PLCL1: variants seen among roughly 807,000 people sequenced by gnomAD.
The protein encoded by PLCL1 is phospholipase C like 1 (inactive).
In PLCL1, 41 loss-of-function variants were observed where a neutral mutation model predicts 84.4. The ratio of observed to expected loss-of-function variants is 0.49; its 90% CI spans 0.38 to 0.63. The LOEUF (loss-of-function observed/expected upper bound fraction) is 0.63. Ranked by LOEUF, PLCL1 falls within the 30% of genes least tolerant of loss-of-function variation. PLCL1 has a pLI of 0.00. For missense variants in PLCL1, 1,206 were observed against 1,367.8 expected (o/e 0.88, Z 1.87); for synonymous variants, 490 against 488.3 (o/e 1.00, Z -0.05).
chr2:197,886,288 T>C (rs9677099), intron 1 of PLCL1, among the ~76,000 whole-genome samples: 184 of 151,722 alleles, frequency 1.2e-3, no homozygotes, highest in African/African-American at 4.1e-3. Flanking sequence ...GGTACGTGCC[T>C]GTAGTCCCAG....
At chr2:198,094,162 T>G (rs537747196) in intron 3 of PLCL1, among the ~76,000 whole-genome samples, 3 of 152,144 alleles carry the variant, frequency 2.0e-5, no homozygotes, top group African/African-American at 7.2e-5. Context: ...CCTGGGTTCA[T>G]GCCATTCTCC....
intron 5 of PLCL1, among the ~76,000 whole-genome samples, chr2:198,130,018 A>G (rs1181973212): frequency 4.6e-5 from 7 of 151,894 alleles, no homozygotes. Flanking sequence ...TTTTTGAGAC[A>G]GGGTCTTGCT....
intron 1 of PLCL1, among the ~76,000 whole-genome samples, chr2:197,856,918 G>A (rs564996541): frequency 6.6e-6 from 1 of 151,854 alleles, no homozygotes; most frequent in South Asian, 2.1e-4. Flanking sequence ...TTTTTTCAAA[G>A]TGGTCTAACT....
intron 5 of PLCL1, among the ~76,000 whole-genome samples, chr2:198,142,521 T>A (rs1189541068): frequency 6.6e-6 from 1 of 152,172 alleles, no homozygotes. Flanking sequence ...TAATAAGGAA[T>A]GCTTAATGTT....
chr2:197,846,231 G>GT (rs1472458761), intron 1 of PLCL1, among the ~76,000 whole-genome samples: 1 of 152,110 alleles, frequency 6.6e-6, no homozygotes, highest in Non-Finnish European at 1.5e-5. Flanking sequence ...ATGACATTTG[G>GT]TGGAAGTATT....
At chr2:198,072,580 TA>T (rs1692487949) in intron 1 of PLCL1, among the ~76,000 whole-genome samples, 1 of 152,070 alleles carries the variant, frequency 6.6e-6, no homozygotes, top group Non-Finnish European at 1.5e-5. Context: ...AGAATGCGTC[TA>T]AATCTTCAGC....
chr2:198,062,012 A>G (rs1449096041), intron 1 of PLCL1, among the ~76,000 whole-genome samples: 1 of 152,214 alleles, frequency 6.6e-6, no homozygotes, highest in Non-Finnish European at 1.5e-5. Flanking sequence ...CAGTGGTTGG[A>G]CTTTAATAAA....
intron 5 of PLCL1, among the ~76,000 whole-genome samples, chr2:198,125,127 C>A (rs899698176): frequency 3.3e-5 from 5 of 152,082 alleles, no homozygotes; most frequent in African/African-American, 1.2e-4. Context: ...AGAAAGAGGG[C>A]CCTTAGCTTA....
At chr2:198,123,945 G>A (rs1693929425) in intron 5 of PLCL1, among the ~76,000 whole-genome samples, 1 of 152,052 alleles carries the variant, frequency 6.6e-6, no homozygotes, top group African/African-American at 2.4e-5. Flanking sequence ...CCAGTACCTG[G>A]TGCCAAAAAG....
chr2:198,103,709 T>G, intron 4 of PLCL1, 118 bp from the exon 5 acceptor site: 1 of 561,304 alleles, frequency 1.8e-6, no homozygotes. Context: ...ATTTAGGGAT[T>G]TGGAAATTAT....
At chr2:197,838,909 G>A (rs186259642) in intron 1 of PLCL1, among the ~76,000 whole-genome samples, 69 of 152,258 alleles carry the variant, frequency 4.5e-4, no homozygotes, top group Non-Finnish European at 7.8e-4. Context: ...TTAGGAACCT[G>A]CTTTATCTTA....
At chr2:197,957,185 T>C (rs1400771136) in intron 1 of PLCL1, among the ~76,000 whole-genome samples, 2 of 152,094 alleles carry the variant, frequency 1.3e-5, no homozygotes, top group Admixed American at 1.3e-4. Flanking sequence ...TTATCTTTTC[T>C]TTCTTTAACT....
intron 1 of PLCL1, among the ~76,000 whole-genome samples, chr2:197,997,177 C>G (rs773928535): frequency 1.9e-4 from 29 of 152,238 alleles, no homozygotes; most frequent in Non-Finnish European, 7.3e-5. Context: ...CATCTGTGCA[C>G]AGCGTAAGTG....
In PLCL1 at chr2:198,084,747, T is replaced by C; in HGVS notation, c.1230T>C (p.Asn410=). ...AGCCATTATCTCACTACTATATCAA[T>C]GCCTCTCATAACACCTATCTAATAG... The part of the protein sequence containing the change: ...MTQPLSHYYI[N]ASHNTYLIED... Residue 410 remains asparagine, a synonymous_variant, in exon 2 of 6, where the codon AAT becomes AAC. Coordinates refer to ENST00000428675, the MANE Select transcript of PLCL1 (RefSeq NM_006226.4). The C allele has an allele frequency of 1.9e-6, 3 of 1,614,126 alleles. No homozygotes were observed. In the South Asian group the frequency reaches 3.3e-5, roughly 18 times the overall value.
In PLCL1 at chr2:198,073,350, A is replaced by G. The variant is rs147166515; in HGVS notation, c.241-10408A>G. Among the ~76,000 whole-genome samples the G allele has an allele frequency of 4.6e-5, 7 of 152,304 alleles. No individual in the cohort carries two copies. In the East Asian group the frequency reaches 9.6e-4, roughly 21 times the overall value. ...CTGAGCTGAGAATATTCATTCTCTG[A>G]TATCTGCCATCTGTTCCTTGAACAT... On this transcript the variant is annotated intron_variant, in intron 1 of 5. Coordinates refer to ENST00000428675, the MANE Select transcript of PLCL1 (RefSeq NM_006226.4).
At chr2:198,079,645 G>C (rs1224944492) in intron 1 of PLCL1, among the ~76,000 whole-genome samples, 3 of 152,026 alleles carry the variant, frequency 2.0e-5, no homozygotes, top group Non-Finnish European at 4.4e-5. Context: ...TCCTTTATAA[G>C]ATATTGAATA....
chr2:198,099,503 T>A (rs1693280127), intron 3 of PLCL1, among the ~76,000 whole-genome samples: 2 of 152,106 alleles, frequency 1.3e-5, no homozygotes, highest in Non-Finnish European at 2.9e-5. Flanking sequence ...CAATAGAAGC[T>A]GTTGACAGAG....
At chr2:197,814,305 T>A (rs1017297523) in intron 1 of PLCL1, among the ~76,000 whole-genome samples, 4 of 152,238 alleles carry the variant, frequency 2.6e-5, no homozygotes, top group Non-Finnish European at 5.9e-5. Context: ...ACAAGATTTT[T>A]AACTTTTTCA....
intron 1 of PLCL1, among the ~76,000 whole-genome samples, chr2:197,987,314 A>G (rs1690238795): frequency 6.6e-6 from 1 of 152,242 alleles, no homozygotes; most frequent in African/African-American, 2.4e-5. Flanking sequence ...AATATCACAA[A>G]TAAGTCCAGA....
Sources: gnomAD v4.1 joint callset for allele counts (sites outside exome capture counted in the v4.1 genomes callset) on GRCh38, gnomAD v4.1.1 for gene constraint, MANE v1.5 for transcripts, NCBI Gene and HGNC (gene_info 2026-07-23, HGNC 2026-07-21) for gene names.